Variants in DNASE1 observed in about 807,000 individuals in gnomAD.
The protein encoded by DNASE1 is deoxyribonuclease 1.
DNASE1 carries 40 observed loss-of-function variants against 33.9 expected under a neutral mutation model. The ratio of observed to expected loss-of-function variants is 1.18; its 90% CI spans 0.92 to 1.54. DNASE1 has a LOEUF of 1.54. Ranked by LOEUF, DNASE1 falls within the 40% of genes most tolerant of loss-of-function variation. The pLI is 0.00. For missense variants in DNASE1, 518 were observed against 372.6 expected, an observed-to-expected ratio of 1.39 and a Z score of -3.21; for synonymous variants, 216 against 160.0, an observed-to-expected ratio of 1.35 and a Z score of -2.64.
downstream of DNASE1, chr16:3,660,962 G>C (rs1294371959): frequency 2.0e-5 from 3 of 150,728 alleles, no homozygotes; most frequent in Admixed American, 6.7e-5. Flanking sequence ...TGTGGGGGGG[G>C]TGGTAAGTCT....
At chr16:3,637,123 C>CAA (rs55645773) in intron 1 of DNASE1, among the ~76,000 whole-genome samples, 1 of 144,284 alleles carries the variant, frequency 6.9e-6, no homozygotes, top group Non-Finnish European at 1.5e-5. Context: ...GACTCCATCT[C>CAA]AAAAAAAAAA....
downstream of DNASE1, chr16:3,661,854 G>T: frequency 8.2e-7 from 1 of 1,213,428 alleles, no homozygotes; most frequent in Non-Finnish European, 1.1e-6. Flanking sequence ...ACTGCATACA[G>T]CTCCTTATAG....
At chr16:3,622,213 G>GAA (rs56171298) in intron 1 of DNASE1, among the ~76,000 whole-genome samples, 52 of 68,198 alleles carry the variant, frequency 7.6e-4, no homozygotes, top group East Asian at 2.1e-3. Context: ...GAGCAAGACT[G>GAA]AAAAAAAAAA....
chr16:3,656,818 G>A, intron 5 of DNASE1, 65 bp downstream of exon 5: 2 of 1,548,276 alleles, frequency 1.3e-6, no homozygotes, highest in Non-Finnish European at 1.7e-6. Flanking sequence ...CCCTCCTAGG[G>A]AACCTGGAAT....
chr16:3,618,981 C>T (rs1275569717), intron 1 of DNASE1, among the ~76,000 whole-genome samples: 1 of 152,010 alleles, frequency 6.6e-6, no homozygotes, highest in Non-Finnish European at 1.5e-5. Flanking sequence ...ATCTTCCCAA[C>T]TTCCTTATCT....
intron 1 of DNASE1, 124 bp from the exon 2 acceptor site, chr16:3,655,249 C>T (rs1567207836): frequency 1.5e-6 from 2 of 1,359,196 alleles, no homozygotes. Flanking sequence ...AGGGTTTCCC[C>T]CGCCTGCGTC....
At chr16:3,628,111 T>G (rs917673685) in intron 1 of DNASE1, among the ~76,000 whole-genome samples, 1 of 152,202 alleles carries the variant, frequency 6.6e-6, no homozygotes, top group African/African-American at 2.4e-5. Flanking sequence ...CTTCATTAAT[T>G]TCTTTCAGCG....
upstream of DNASE1, among the ~76,000 whole-genome samples, chr16:3,641,545 C>T (rs890418711): frequency 6.6e-6 from 1 of 152,178 alleles, no homozygotes; most frequent in African/African-American, 2.4e-5. Context: ...GGAGGCCATC[C>T]CTGTGGGAAG....
intron 1 of DNASE1, among the ~76,000 whole-genome samples, chr16:3,618,085 C>CA (rs71392849): frequency 0.36 from 37,232 of 104,006 alleles, 7,823 homozygotes; most frequent in African/African-American, 0.64. Flanking sequence ...AAGCCAAGAC[C>CA]AAAAAAAAAA....
downstream of DNASE1, chr16:3,662,962 C>G (rs55766649): frequency 1.9e-6 from 3 of 1,608,786 alleles, no homozygotes; most frequent in Non-Finnish European, 2.5e-6. Context: ...GATAGGCACT[C>G]GGCGGCTGCG....
chr16:3,622,200 A>C (rs1387305188), intron 1 of DNASE1, among the ~76,000 whole-genome samples: 1 of 147,868 alleles, frequency 6.8e-6, no homozygotes, highest in Non-Finnish European at 1.5e-5. Flanking sequence ...AGCCTAGGTG[A>C]CAGAGCAAGA....
chr16:3,615,683 G>A (rs1028105398), intron 1 of DNASE1, among the ~76,000 whole-genome samples: 1 of 152,294 alleles, frequency 6.6e-6, no homozygotes, highest in South Asian at 2.1e-4. Context: ...TGAAAAAACT[G>A]TGTTATTCCA....
downstream of DNASE1, chr16:3,658,823 C>T (rs1230408756): frequency 6.2e-7 from 1 of 1,613,980 alleles, no homozygotes. Context: ...CCAGGCCAGG[C>T]TCGCTTGCGC....
At chr16:3,627,477 A>G (rs903549295) in intron 1 of DNASE1, among the ~76,000 whole-genome samples, 2 of 151,786 alleles carry the variant, frequency 1.3e-5, no homozygotes, top group East Asian at 1.9e-4. Context: ...AGGCCTCACT[A>G]TGTTGCTCAG....
chr16:3,664,535 C>T, exon 10 of DNASE1: 2 of 1,457,182 alleles, frequency 1.4e-6, no homozygotes, highest in Non-Finnish European at 1.8e-6. Context: ...GGGCGCAAAC[C>T]CTCCGATGCC....
intron 1 of DNASE1, among the ~76,000 whole-genome samples, chr16:3,647,938 C>T (rs1283803000): frequency 3.3e-5 from 5 of 151,816 alleles, no homozygotes; most frequent in African/African-American, 4.8e-5. Context: ...AAGGCTGAGG[C>T]GGGCGGATCA....
In DNASE1 at chr16:3,655,267, C is replaced by T. The variant is rs566862825; in HGVS notation, c.-1-106C>T. 71 of 1,516,220 alleles carry T rather than the reference C, an allele frequency of 4.7e-5. No individual in the cohort carries two copies. The African/African-American group carries it at 7.9e-4, about 17-fold the overall frequency. The allele number at this position is 1,516,220 out of a possible 1,614,324, so 93.9% of individuals were successfully genotyped here. On this transcript the variant is annotated intron_variant, in intron 1 of 8. Transcript: ENST00000246949. ...GTTTCCCCCGCCTGCGTCCCCCTGA[C>T]CTTGAGCTCCACCAGCCCCTGCCAG...
chr16:3,661,869 C>G, downstream of DNASE1: 3 of 1,313,856 alleles, frequency 2.3e-6, no homozygotes, highest in Non-Finnish European at 3.0e-6. Context: ...TTATAGTTAC[C>G]CACATGTCCA....
chr16:3,647,762 G>C (rs2042217037), intron 1 of DNASE1, among the ~76,000 whole-genome samples: 1 of 152,126 alleles, frequency 6.6e-6, no homozygotes, highest in Admixed American at 6.5e-5. Flanking sequence ...CCAGCACTTT[G>C]GGAAGCCAAG....
Sources: gnomAD v4.1 joint callset for allele counts (sites outside exome capture counted in the v4.1 genomes callset) on GRCh38, gnomAD v4.1.1 for gene constraint, MANE v1.5 for transcripts, NCBI Gene and HGNC (gene_info 2026-07-23, HGNC 2026-07-21) for gene names.